Variants in ERMP1 observed in about 807,000 individuals in gnomAD.
ERMP1 encodes endoplasmic reticulum metallopeptidase 1, also known as Felix-ina.
A neutral mutation model predicts 92.0 loss-of-function variants in ERMP1; 86 were observed. The observed-to-expected ratio is 0.93, with a 90% CI of 0.79 to 1.12. The LOEUF (loss-of-function observed/expected upper bound fraction) is 1.12, where lower values mean the gene tolerates loss of function less well. Ranked by LOEUF, ERMP1 falls within the 50% of genes most tolerant of loss-of-function variation. The pLI is 0.00. For synonymous variants in ERMP1, 530 were observed against 412.8 expected (o/e 1.28, Z -3.44); for missense variants, 1,342 against 1,116.3 (o/e 1.20, Z -2.88).
At chr9:5,794,104 AATGAAATTAAACTAGAAATCAATT>A in intron 13 of ERMP1, among the ~76,000 whole-genome samples, 1 of 152,142 alleles carries the variant, frequency 6.6e-6, no homozygotes, top group Non-Finnish European at 1.5e-5. Flanking sequence ...CTCAGACCAC[AATGAAATTAAACTAGAAATCAATT>A]ATCAGAAAAA....
chr9:5,822,245 C>G (rs952656908), intron 4 of ERMP1, among the ~76,000 whole-genome samples: 2 of 152,078 alleles, frequency 1.3e-5, no homozygotes, highest in African/African-American at 4.8e-5. Flanking sequence ...GAGTGAGACC[C>G]TGCTTCAAAA....
At position 5,849,235 on chromosome 9, in the gene ERMP1, A is replaced by C. The variant is rs569228400; in HGVS notation, n.3199+10233T>G. Among the ~76,000 whole-genome samples, 3 of 152,122 alleles carry C rather than the reference A, an allele frequency of 2.0e-5. No individual in the cohort carries two copies. In the East Asian group the frequency reaches 5.8e-4, roughly 29 times the overall value. On this transcript the variant is annotated intron_variant and non_coding_transcript_variant, in intron 6 of 6. Coordinates refer to the ERMP1 transcript ENST00000690753. ...ACAGGGTTTCACCATGTTGGCCAGG[A>C]GGGTCTCAATCTCTTGACCTCGTGA...
Position 5,833,089 on chromosome 9 carries a change from A to ACGC in ERMP1, c.-65_-63dup, listed in dbSNP as rs1554627156. 1.5e-6 allele frequency: 2 copies of ACGC among 1,352,328 alleles called. No homozygotes were observed. Among genetic ancestry groups the ACGC allele is most frequent in the Non-Finnish European group, 1.9e-6 (2 of 1,047,422 alleles). The allele number at this position is 1,352,328 out of a possible 1,614,324, so 83.8% of individuals were successfully genotyped here. ...CCCGCGACAGCCCCGGCCGCCGCCG[A>ACGC]CGCCGCCGTCGCTGCCGCAGCGCCT... On this transcript the variant is annotated 5_prime_UTR_variant, in exon 1 of 15. Transcript: ENST00000339450.
chr9:5,811,747 G>T (rs915671543), intron 6 of ERMP1, among the ~76,000 whole-genome samples: 6 of 152,154 alleles, frequency 3.9e-5, no homozygotes, highest in African/African-American at 1.4e-4. Flanking sequence ...GGTGAACCAA[G>T]AGACAAAGGC....
chr9:5,790,119 G>A (rs1489176350), intron 13 of ERMP1, among the ~76,000 whole-genome samples: 1 of 150,078 alleles, frequency 6.7e-6, no homozygotes, highest in Non-Finnish European at 1.5e-5. Flanking sequence ...GAGGAAAGTA[G>A]AATAAGCATG....
chr9:5,848,615 A>AAC (rs1183083778), intron 6 of ERMP1, among the ~76,000 whole-genome samples: 1 of 76,914 alleles, frequency 1.3e-5, no homozygotes, highest in Non-Finnish European at 2.8e-5. Context: ...GGTTTTCTAC[A>AAC]AGGATTTAGG....
chr9:5,811,285 A>C lies in ERMP1; in HGVS notation c.1153T>G (p.Ser385Ala). The C allele has an allele frequency of 1.9e-6, 3 of 1,613,978 alleles. No individual in the cohort carries two copies. Among genetic ancestry groups the C allele is most frequent in the Non-Finnish European group, 2.5e-6 (3 of 1,179,902 alleles). The change falls in exon 7 of 15, where the codon TCT (serine) becomes GCT (alanine). Residue 385 changes from serine (S) to alanine (A), a missense_variant. Ser to Ala is a moderately conservative substitution (Grantham distance 99). Coordinates refer to ENST00000339450, the MANE Select transcript of ERMP1 (RefSeq NM_024896.3). Reference protein sequence around the residue: ...ILAVLKHLATSDMLAAASKYR... With the variant: ...ILAVLKHLATADMLAAASKYR... ...TTAGAAGCAGCAGCCAGCATATCAG[A>C]TGTAGCTAGATGCTTAAGAACTGCT...
rs1471034300 is a variant in ERMP1 at position 5,787,002 on chromosome 9, G to A, written c.*142C>T. 3.6e-6 allele frequency: 3 copies of A among 825,386 alleles called. No individual in the cohort carries two copies. Among genetic ancestry groups the A allele is most frequent in the Non-Finnish European group, 5.5e-6 (3 of 546,402 alleles). 51.1% of individuals were successfully genotyped at this position (825,386 alleles called of 1,614,324 possible). ...CTAAACCCTTATAGTGCTTGGCCCT[G>A]AAAAGCGTTAACCCAGAAAGCTCTT... On this transcript the variant is annotated 3_prime_UTR_variant, in exon 15 of 15. Coordinates refer to ENST00000339450, the MANE Select transcript of ERMP1 (RefSeq NM_024896.3).
upstream of ERMP1, among the ~76,000 whole-genome samples, chr9:5,833,811 C>G (rs1452593029): frequency 6.6e-6 from 1 of 152,182 alleles, no homozygotes; most frequent in African/African-American, 2.4e-5. Flanking sequence ...TACATTAGCA[C>G]TCTGCAAGTG....
At position 5,797,734 on chromosome 9, in the gene ERMP1, A is replaced by G. The variant is rs147507669; in HGVS notation, c.2386+83T>C. ...TTCCTAAGTTGCTGGTTCCTGTGAT[A>G]TATCTGAGGGAAAAACATACATGCC... On this transcript the variant is annotated intron_variant, in intron 13 of 14. Transcript: ENST00000339450. 7.9e-4 allele frequency: 638 copies of G among 812,198 alleles called. 5 individuals carry two copies. The East Asian group carries it at 0.014, about 18-fold the overall frequency. 50.3% of individuals were successfully genotyped at this position (812,198 alleles called of 1,614,324 possible). A position where few individuals can be genotyped will look rare whatever the true frequency, so the allele number is the denominator to read the frequency against.
intron 2 of ERMP1, among the ~76,000 whole-genome samples, chr9:5,827,374 T>C (rs1042789698): frequency 2.0e-5 from 3 of 151,800 alleles, no homozygotes; most frequent in African/African-American, 7.3e-5. Flanking sequence ...AAAATAAAAA[T>C]TGAAAAAAAA....
intron 5 of ERMP1, among the ~76,000 whole-genome samples, chr9:5,860,132 A>G (rs1586845735): frequency 5.0e-5 from 1 of 19,846 alleles, no homozygotes; most frequent in East Asian, 3.6e-3. Context: ...CCTTGTCTCT[A>G]CCAAAAAAAA....
At chr9:5,800,562 G>A (rs1828629334) in intron 11 of ERMP1, among the ~76,000 whole-genome samples, 1 of 152,134 alleles carries the variant, frequency 6.6e-6, no homozygotes, top group Non-Finnish European at 1.5e-5. Flanking sequence ...TGTAATACCA[G>A]CTACTTGGGA....
chr9:5,836,667 A>C (rs1281786486), upstream of ERMP1, among the ~76,000 whole-genome samples: 2 of 152,118 alleles, frequency 1.3e-5, no homozygotes, highest in Admixed American at 1.3e-4. Flanking sequence ...CTTAAGGCTA[A>C]AGCTTGGGCG....
chr9:5,792,468 A>G, intron 13 of ERMP1, among the ~76,000 whole-genome samples: 1 of 152,246 alleles, frequency 6.6e-6, no homozygotes, highest in East Asian at 1.9e-4. Flanking sequence ...GGATCTGACA[A>G]TGAACCAATA....
rs773878591 is a variant in ERMP1, at chr9:5,794,381, AAAGG to A, written c.2386+3432_2386+3435del. Among the ~76,000 whole-genome samples, 40 of 152,228 alleles carry A rather than the reference AAAGG, an allele frequency of 2.6e-4. No homozygotes were observed. The Middle Eastern group carries it at 0.017, about 65-fold the overall frequency. Reference sequence around the variant, plus strand: ...TAAGCTTCCACCTTAATAAACTAAAAAAGGAAGAACAAATTAAATCCAAAGTAAA... The same window carrying A: ...TAAGCTTCCACCTTAATAAACTAAAAAAGAACAAATTAAATCCAAAGTAAA... On this transcript the variant is annotated intron_variant, in intron 13 of 14. Transcript: ENST00000339450.
Position 5,825,167 on chromosome 9 carries a change from G to C in ERMP1, c.693C>G (p.Val231=), listed in dbSNP as rs749151101. The change falls in exon 3 of 15, where the codon GTC becomes GTG. Residue 231 remains valine (V), a synonymous_variant. Coordinates refer to ENST00000339450, the MANE Select transcript of ERMP1 (RefSeq NM_024896.3). ...SCSVMLEVLR[V]LSTSSEALHH... ...GCAAGGCTTCTGAAGATGTTGACAA[G>C]ACGCGAAGGACTTCCAGCATCACTG... The C allele has an allele frequency of 1.9e-6, 3 of 1,614,054 alleles. No individual in the cohort carries two copies. Among genetic ancestry groups the C allele is most frequent in the East Asian group, 2.2e-5 (1 of 44,878 alleles).
chr9:5,796,403 G>A (rs1828427256), intron 13 of ERMP1, among the ~76,000 whole-genome samples: 1 of 152,112 alleles, frequency 6.6e-6, no homozygotes, highest in Non-Finnish European at 1.5e-5. Context: ...GCTAAACATA[G>A]GCTTACCATA....
chr9:5,839,510 T>G (rs993601775), intron 6 of ERMP1, among the ~76,000 whole-genome samples: 3 of 152,194 alleles, frequency 2.0e-5, no homozygotes, highest in Non-Finnish European at 2.9e-5. Flanking sequence ...CACTGACTCA[T>G]GTGAATTTGC....
Sources: gnomAD v4.1 joint callset for allele counts (sites outside exome capture counted in the v4.1 genomes callset) on GRCh38, gnomAD v4.1.1 for gene constraint, MANE v1.5 for transcripts, NCBI Gene and HGNC (gene_info 2026-07-23, HGNC 2026-07-21) for gene names.